The following ATXN1 variants were observed in gnomAD, a reference collection of about 807,000 sequenced individuals.
The protein encoded by ATXN1 is ataxin-1.
Under a neutral mutation model 56.4 loss-of-function variants are expected in ATXN1, and 8 were observed. The observed-to-expected ratio is 0.14, with a 90% CI of 0.08 to 0.26. The LOEUF (loss-of-function observed/expected upper bound fraction) is 0.26. Ranked by LOEUF, ATXN1 falls within the 10% of genes least tolerant of loss-of-function variation. ATXN1 has a pLI of 1.00. For missense variants in ATXN1, 987 were observed against 1,106.5 expected, an observed-to-expected ratio of 0.89 and a Z score of 1.53; for synonymous variants, 514 against 494.6, an observed-to-expected ratio of 1.04 and a Z score of -0.52.
intron 4 of ATXN1, among the ~76,000 whole-genome samples, chr6:16,533,157 T>G (rs1208347115): frequency 5.9e-5 from 9 of 152,218 alleles, no homozygotes; most frequent in African/African-American, 2.2e-4. Context: ...ATAATGTGAA[T>G]GTACTTAATG....
chr6:16,358,188 G>A (rs769125286), intron 6 of ATXN1, among the ~76,000 whole-genome samples: 4 of 152,270 alleles, frequency 2.6e-5, no homozygotes, highest in Non-Finnish European at 4.4e-5. Context: ...GTGGTGAAAC[G>A]GGAACACTTT....
chr6:16,514,493 A>G (rs373242926), intron 5 of ATXN1, among the ~76,000 whole-genome samples: 320 of 152,242 alleles, frequency 2.1e-3, no homozygotes, highest in African/African-American at 7.3e-3. Flanking sequence ...TTTCTCGCCC[A>G]CATTCAAACC....
chr6:16,654,229 A>G (rs1003471718), intron 3 of ATXN1, among the ~76,000 whole-genome samples: 11 of 152,090 alleles, frequency 7.2e-5, no homozygotes, highest in Non-Finnish European at 1.0e-4. Flanking sequence ...GCAGGCCCTA[A>G]ATGTGATAGA....
intron 6 of ATXN1, among the ~76,000 whole-genome samples, chr6:16,366,257 GGAGGTCAGCTAGAT>G (rs1366940557): frequency 6.6e-6 from 1 of 152,078 alleles, no homozygotes; most frequent in Non-Finnish European, 1.5e-5. Flanking sequence ...TTGTCCTCTT[GGAGGTCAGCTAGAT>G]GCTGGCAGTT....
At chr6:16,700,190 C>T (rs1759252316) in intron 2 of ATXN1, among the ~76,000 whole-genome samples, 1 of 152,170 alleles carries the variant, frequency 6.6e-6, no homozygotes, top group African/African-American at 2.4e-5. Context: ...CAGGACCGGC[C>T]CTTCCTTGTT....
chr6:16,535,265 C>A (rs1397355137), intron 4 of ATXN1, among the ~76,000 whole-genome samples: 1 of 152,224 alleles, frequency 6.6e-6, no homozygotes, highest in East Asian at 1.9e-4. Context: ...GTTCCTAACA[C>A]CATTCTCCAA....
At position 16,326,916 on chromosome 6, in the gene ATXN1, C is replaced by T. The variant is rs1258815836; in HGVS notation, c.1395G>A (p.Leu465=). The T allele has an allele frequency of 6.2e-7, 1 of 1,613,584 alleles. No individual in the cohort carries two copies. Among genetic ancestry groups the T allele is most frequent in the African/African-American group, 1.3e-5 (1 of 75,032 alleles). Residue 465 remains leucine, a synonymous_variant, in exon 7 of 8, where the codon CTG becomes CTA. Coordinates refer to ENST00000436367, the MANE Select transcript of ATXN1 (RefSeq NM_001128164.2). The surrounding 1 kb of genome is among the most constrained non-coding windows in gnomAD (Gnocchi z 6.6). ...AGGTGATTGCTTGCTGCTGGCCGCT[C>T]AGGTAGCCGATGACAGGGGGTTGAG... ...AGTQPPVIGY[L]SGQQQAITYA...
chr6:16,679,384 A>G (rs200163019), intron 2 of ATXN1, among the ~76,000 whole-genome samples: 5 of 31,360 alleles, frequency 1.6e-4, no homozygotes, highest in Non-Finnish European at 2.4e-4. Flanking sequence ...GGATGGATGG[A>G]TGGATGGATG....
intron 4 of ATXN1, among the ~76,000 whole-genome samples, chr6:16,575,224 G>C (rs1215340367): frequency 6.7e-6 from 1 of 149,722 alleles, no homozygotes; most frequent in Non-Finnish European, 1.5e-5. Flanking sequence ...CGAATTTCCT[G>C]TTTCTGCATA....
At chr6:16,554,467 T>C (rs574138316) in intron 4 of ATXN1, among the ~76,000 whole-genome samples, 1 of 152,328 alleles carries the variant, frequency 6.6e-6, no homozygotes, top group East Asian at 1.9e-4. Context: ...TTTTTATTTT[T>C]TGAGATGGAG....
chr6:16,621,106 C>T (rs1437302319), intron 3 of ATXN1, among the ~76,000 whole-genome samples: 1 of 152,198 alleles, frequency 6.6e-6, no homozygotes, highest in East Asian at 1.9e-4. Context: ...TAGAAAGAGA[C>T]AAATGAGCGC....
chr6:16,315,121 C>G (rs1163588432), intron 7 of ATXN1, among the ~76,000 whole-genome samples: 2 of 152,130 alleles, frequency 1.3e-5, no homozygotes, highest in Non-Finnish European at 2.9e-5. Flanking sequence ...TATCCGATGA[C>G]GTCCACTCAG....
chr6:16,714,813 C>T (rs930442974), intron 2 of ATXN1, among the ~76,000 whole-genome samples: 4 of 152,036 alleles, frequency 2.6e-5, no homozygotes, highest in African/African-American at 9.7e-5. Context: ...TTAAAATTTA[C>T]TCAAGGTGAA....
At chr6:16,472,883 C>T (rs186893115) in intron 6 of ATXN1, among the ~76,000 whole-genome samples, 40 of 152,320 alleles carry the variant, frequency 2.6e-4, no homozygotes, top group African/African-American at 9.6e-4. Flanking sequence ...GCACTCCAAT[C>T]AGTCAGTCTG....
At chr6:16,689,472 CCAGT>C (rs928714305) in intron 2 of ATXN1, among the ~76,000 whole-genome samples, 28 of 151,158 alleles carry the variant, frequency 1.9e-4, no homozygotes, top group African/African-American at 6.8e-4. Context: ...GCCACCACAC[CCAGT>C]CAATTTTTTC....
At chr6:16,557,751 G>T (rs942826677) in intron 4 of ATXN1, among the ~76,000 whole-genome samples, 4 of 152,202 alleles carry the variant, frequency 2.6e-5, no homozygotes, top group African/African-American at 9.6e-5. Context: ...TGGGAGGAAG[G>T]ACTTCCAATA....
chr6:16,504,221 T>C (rs1026507717), intron 5 of ATXN1, among the ~76,000 whole-genome samples: 1 of 152,238 alleles, frequency 6.6e-6, no homozygotes, highest in African/African-American at 2.4e-5. Flanking sequence ...ATAATTTTCC[T>C]AAGCCCTCAC....
chr6:16,728,982 C>G (rs1389650343), intron 2 of ATXN1, among the ~76,000 whole-genome samples: 1 of 152,190 alleles, frequency 6.6e-6, no homozygotes, highest in Non-Finnish European at 1.5e-5. Context: ...TTCCAAAAGC[C>G]TAGTCGAGCT....
chr6:16,348,211 G>C (rs1213502326), intron 6 of ATXN1, among the ~76,000 whole-genome samples: 1 of 152,154 alleles, frequency 6.6e-6, no homozygotes, highest in African/African-American at 2.4e-5. Flanking sequence ...TTACAGACTT[G>C]TGCCGCCACA....
Sources: allele counts gnomAD v4.1 joint callset (sites outside exome capture counted in the v4.1 genomes callset), GRCh38; gene constraint gnomAD v4.1.1; non-coding constraint Gnocchi (gnomAD v3.1); transcripts MANE v1.5; gene names NCBI Gene and HGNC (gene_info 2026-07-23, HGNC 2026-07-21).